Variants in ATP6V1C2 observed in about 807,000 individuals in gnomAD.
The protein encoded by ATP6V1C2 is ATPase H+ transporting V1 subunit C2.
In ATP6V1C2, 45 loss-of-function variants were observed where a neutral mutation model predicts 56.8. The observed-to-expected ratio is 0.79, with a 90% confidence interval of 0.62 to 1.02. The LOEUF (loss-of-function observed/expected upper bound fraction) is 1.02. Ranked by LOEUF, ATP6V1C2 falls within the 50% of genes least tolerant of loss-of-function variation. The pLI, the probability that ATP6V1C2 is intolerant of heterozygous loss-of-function variation, is 0.00. For synonymous variants in ATP6V1C2, 220 were observed against 201.3 expected, an observed-to-expected ratio of 1.09 and a Z score of -0.79; for missense variants, 463 against 519.7, an observed-to-expected ratio of 0.89 and a Z score of 1.06.
At chr2:10,761,309 A>G (rs6432139) in intron 4 of ATP6V1C2, among the ~76,000 whole-genome samples, 101,892 of 151,858 alleles carry the variant, frequency 0.67, 35,327 homozygotes, top group East Asian at 0.9. Context: ...ACTGGTTCCC[A>G]GCTTGTGGGA....
At chr2:10,747,145 G>A (rs1186471881) in intron 3 of ATP6V1C2, among the ~76,000 whole-genome samples, 12 of 152,114 alleles carry the variant, frequency 7.9e-5, no homozygotes, top group Non-Finnish European at 1.5e-4. Context: ...GTGCATGCCT[G>A]TAATCCCAGC....
At chr2:10,769,252 C>T (rs1664433599) in intron 6 of ATP6V1C2, among the ~76,000 whole-genome samples, 1 of 152,228 alleles carries the variant, frequency 6.6e-6, no homozygotes, top group African/African-American at 2.4e-5. Context: ...GCCTTCTCCA[C>T]CCACCTGAAG....
chr2:10,776,855 C>T (rs905748706), intron 10 of ATP6V1C2, among the ~76,000 whole-genome samples: 2 of 152,182 alleles, frequency 1.3e-5, no homozygotes, highest in African/African-American at 4.8e-5. Context: ...GCGTAGCCTT[C>T]GCCCACACCA....
At chr2:10,744,693 A>C in intron 3 of ATP6V1C2, among the ~76,000 whole-genome samples, 1 of 135,502 alleles carries the variant, frequency 7.4e-6, no homozygotes, top group Non-Finnish European at 1.5e-5. Flanking sequence ...TTTTTGAGAC[A>C]GAGTCTCACT....
chr2:10,727,702 C>T (rs1339553524), intron 3 of ATP6V1C2, among the ~76,000 whole-genome samples: 2 of 152,050 alleles, frequency 1.3e-5, no homozygotes, highest in Non-Finnish European at 2.9e-5. Flanking sequence ...AGTTTGAGAC[C>T]AGCCTGGCCA....
intron 3 of ATP6V1C2, among the ~76,000 whole-genome samples, chr2:10,746,424 T>C (rs974136060): frequency 1.3e-5 from 2 of 151,982 alleles, no homozygotes; most frequent in African/African-American, 4.8e-5. Flanking sequence ...TCTTTTTTCT[T>C]TTTTTTGAGA....
chr2:10,772,687 A>T (rs1283395883), intron 8 of ATP6V1C2, 77 bp downstream of exon 8: 1 of 1,300,956 alleles, frequency 7.7e-7, no homozygotes, highest in African/African-American at 1.5e-5. Context: ...ACCACCAAAC[A>T]TGCCCCGAGG....
chr2:10,726,922 C>T (rs1661674339), intron 3 of ATP6V1C2, among the ~76,000 whole-genome samples: 2 of 152,108 alleles, frequency 1.3e-5, no homozygotes, highest in African/African-American at 4.8e-5. Context: ...ATTTCAACTA[C>T]AAAAAGAGGC....
At chr2:10,750,967 T>G (rs894698369) in intron 3 of ATP6V1C2, among the ~76,000 whole-genome samples, 7 of 152,192 alleles carry the variant, frequency 4.6e-5, no homozygotes, top group Non-Finnish European at 1.0e-4. Context: ...TAGTGCTTGG[T>G]GCATAGTAGT....
At chr2:10,778,332 G>A (rs1233447534) in intron 11 of ATP6V1C2, among the ~76,000 whole-genome samples, 3 of 152,218 alleles carry the variant, frequency 2.0e-5, no homozygotes, top group Non-Finnish European at 2.9e-5. Flanking sequence ...CCCGCGCTGC[G>A]GTCTGTGGTG....
At chr2:10,733,864 T>G (rs1662107270) in intron 3 of ATP6V1C2, among the ~76,000 whole-genome samples, 2 of 70,588 alleles carry the variant, frequency 2.8e-5, no homozygotes, top group Non-Finnish European at 4.6e-5. Context: ...GTCTATGGAA[T>G]AGCTGCTGGC....
chr2:10,724,521 T>C (rs1400360034), intron 2 of ATP6V1C2, among the ~76,000 whole-genome samples: 1 of 151,964 alleles, frequency 6.6e-6, no homozygotes, highest in Non-Finnish European at 1.5e-5. Context: ...ATCCACTCAT[T>C]GATACTGTGT....
rs766405935 is a variant in ATP6V1C2, at chr2:10,764,341, A to G, written c.294A>G (p.Thr98=). The G allele has an allele frequency of 2.4e-5, 38 of 1,613,574 alleles. 1 individual carries two copies. In the South Asian group the frequency reaches 2.7e-4, roughly 12 times the overall value. Residue 98 remains threonine (T), a synonymous_variant, in exon 5 of 14, where the codon ACA becomes ACG. Coordinates refer to ENST00000272238, the MANE Select transcript of ATP6V1C2 (RefSeq NM_001039362.2). The part of the protein sequence containing the change: ...EHLLANGVDL[T]SFVTHFEWDM... ...TTTGTATTCTTCCAGTTGACTTAACATCCTTTGTGACCCACTTTGAATGGG... is the reference window on the plus strand; with the variant it reads ...TTTGTATTCTTCCAGTTGACTTAACGTCCTTTGTGACCCACTTTGAATGGG...
At position 10,783,224 on chromosome 2, in the gene ATP6V1C2, TTA is replaced by T; in HGVS notation, c.1247_1248del (p.Tyr416CysfsTer6). ...AACTCAATAACCAAGACTATTTTCC[TTA>T]TGTCTACTTCCATATTGACCTTAGT... is the stretch of plus-strand genomic sequence containing the variant. ...LQLNNQDYFP[Y>X]VYFHIDLSLL... is the part of the protein sequence containing the mutation. On this transcript the variant is annotated frameshift_variant, in exon 14 of 14. Transcript: ENST00000272238. LOFTEE classifies it high-confidence loss of function. The T allele has an allele frequency of 6.2e-7, 1 of 1,613,934 alleles. No homozygotes were observed. The highest frequency in any genetic ancestry group is 2.2e-5 in the East Asian group (1 of 44,882).
chr2:10,756,717 C>CA (rs1438104580), intron 4 of ATP6V1C2, among the ~76,000 whole-genome samples: 4 of 151,678 alleles, frequency 2.6e-5, no homozygotes, highest in Admixed American at 2.6e-4. Flanking sequence ...AACTCTGTCT[C>CA]AAAAAAAGAA....
chr2:10,721,966 TTAGGAGAGA>T (rs1661390065), intron 1 of ATP6V1C2, among the ~76,000 whole-genome samples: 2 of 151,724 alleles, frequency 1.3e-5, no homozygotes, highest in Non-Finnish European at 2.9e-5. Context: ...CTGCGCGGGG[TTAGGAGAGA>T]ACAAAATGCC....
rs1665085621 is a variant in ATP6V1C2 at position 10,777,681 on chromosome 2, G to A, written c.922G>A (p.Gly308Arg). Residue 308 changes from glycine (G) to arginine (R), a missense_variant, in exon 11 of 14, where the codon GGG (glycine) becomes AGG (arginine). Physicochemically the swap from Gly to Arg is moderately radical, Grantham distance 125. Coordinates refer to ENST00000272238, the MANE Select transcript of ATP6V1C2 (RefSeq NM_001039362.2). ...PLGNPDRPAA[G>R]QTDRERESEG... ...AGGTAACCCTGATAGGCCTGCTGCG[G>A]GGCAGACCGACAGAGAGAGAGAGAG... 1.9e-6 allele frequency: 3 copies of A among 1,614,024 alleles called. No individual in the cohort carries two copies. The highest frequency in any genetic ancestry group is 2.2e-5 in the South Asian group (2 of 91,082).
chr2:10,736,167 G>A (rs950223134), intron 3 of ATP6V1C2, among the ~76,000 whole-genome samples: 1 of 150,166 alleles, frequency 6.7e-6, no homozygotes, highest in African/African-American at 2.5e-5. Context: ...ATTTCTACGA[G>A]TTCCCAGGTG....
rs571886468 is a variant in ATP6V1C2 at position 10,777,651 on chromosome 2, C to G, written c.892C>G (p.Pro298Ala). Residue 298 changes from proline (P) to alanine (A), a missense_variant, in exon 11 of 14, where the codon CCG becomes GCG. By Grantham distance (27) the Pro-to-Ala change is conservative (BLOSUM62 -1). Transcript: ENST00000272238. The part of the protein sequence containing the change: ...TFPDHKVKVT[P>A]LGNPDRPAAG... ...CCCGGACCACAAGGTTAAGGTAACC[C>G]CGCTAGGTAACCCTGATAGGCCTGC... 2 of 1,614,138 alleles carry G rather than the reference C, an allele frequency of 1.2e-6. No individual in the cohort carries two copies. Among genetic ancestry groups the G allele is most frequent in the East Asian group, 4.5e-5 (2 of 44,870 alleles).
Sources: allele counts gnomAD v4.1 joint callset (sites outside exome capture counted in the v4.1 genomes callset), GRCh38; gene constraint gnomAD v4.1.1; transcripts MANE v1.5; gene names NCBI Gene and HGNC (gene_info 2026-07-23, HGNC 2026-07-21).